Variants in TAFA2 observed in about 807,000 individuals in gnomAD.
TAFA2 encodes the protein TAFA chemokine like family member 2.
Under a neutral mutation model 18.8 loss-of-function variants are expected in TAFA2, and 7 were observed. The observed-to-expected ratio is 0.37, with a 90% CI of 0.21 to 0.70. TAFA2 has a LOEUF of 0.70. Ranked by LOEUF, TAFA2 falls within the 30% of genes least tolerant of loss-of-function variation. The pLI, the probability that TAFA2 is intolerant of heterozygous loss-of-function variation, is 0.53. For synonymous variants in TAFA2, 60 were observed against 54.2 expected, an observed-to-expected ratio of 1.11 and a Z score of -0.47; for missense variants, 122 against 158.1, an observed-to-expected ratio of 0.77 and a Z score of 1.23.
At chr12:62,189,695 T>C (rs1324912187) in intron 1 of TAFA2, among the ~76,000 whole-genome samples, 3 of 152,216 alleles carry the variant, frequency 2.0e-5, no homozygotes, top group African/African-American at 7.2e-5. Context: ...TTTAGCACTT[T>C]ACACAAAAAT....
At chr12:61,728,127 T>C (rs1268704823) in intron 4 of TAFA2, among the ~76,000 whole-genome samples, 1 of 151,492 alleles carries the variant, frequency 6.6e-6, no homozygotes, top group African/African-American at 2.4e-5. Context: ...TTATTGAGAC[T>C]TGTTTTGTGG....
chr12:61,729,477 C>A (rs1870336649), intron 4 of TAFA2, among the ~76,000 whole-genome samples: 2 of 151,718 alleles, frequency 1.3e-5, no homozygotes, highest in South Asian at 4.2e-4. Context: ...TGTCTTGGAG[C>A]CCTGAATTTC....
At chr12:62,255,942 T>G (rs532053899) in intron 1 of TAFA2, among the ~76,000 whole-genome samples, 2 of 152,090 alleles carry the variant, frequency 1.3e-5, no homozygotes, top group South Asian at 4.2e-4. Context: ...TTTCATGGTA[T>G]AGTCAGCTTT....
chr12:62,212,635 C>T (rs572979876), intron 1 of TAFA2, among the ~76,000 whole-genome samples: 1 of 152,292 alleles, frequency 6.6e-6, no homozygotes, highest in Non-Finnish European at 1.5e-5. Context: ...GATAGAATTG[C>T]TTTCCTTTGA....
intron 1 of TAFA2, among the ~76,000 whole-genome samples, chr12:61,929,641 C>A (rs1296957160): frequency 6.6e-6 from 1 of 151,358 alleles, no homozygotes; most frequent in East Asian, 2.0e-4. Context: ...TTGACCCAGC[C>A]ATCCCATTAC....
chr12:62,255,709 C>A (rs892100426), intron 1 of TAFA2, among the ~76,000 whole-genome samples: 1 of 151,422 alleles, frequency 6.6e-6, no homozygotes, highest in Non-Finnish European at 1.5e-5. Context: ...AAAAATTAGG[C>A]TGGGCATGGT....
intron 1 of TAFA2, among the ~76,000 whole-genome samples, chr12:62,237,229 C>T (rs189701331): frequency 2.5e-4 from 38 of 152,210 alleles, no homozygotes; most frequent in East Asian, 9.7e-4. Context: ...TTCTGTTCGC[C>T]GGGCGCGGTG....
At chr12:61,956,541 A>G (rs1411237280) in intron 1 of TAFA2, among the ~76,000 whole-genome samples, 1 of 151,990 alleles carries the variant, frequency 6.6e-6, no homozygotes, top group Non-Finnish European at 1.5e-5. Context: ...TTTTTCTTTT[A>G]AAAATCTGAA....
chr12:61,888,501 A>G (rs1425862222), intron 1 of TAFA2, among the ~76,000 whole-genome samples: 1 of 152,212 alleles, frequency 6.6e-6, no homozygotes, highest in Non-Finnish European at 1.5e-5. Context: ...AAGCAATCAC[A>G]GCCACATTCT....
At chr12:61,839,653 A>G (rs1359709948) in intron 2 of TAFA2, among the ~76,000 whole-genome samples, 1 of 152,080 alleles carries the variant, frequency 6.6e-6, no homozygotes, top group Non-Finnish European at 1.5e-5. Context: ...AGAAACAGAA[A>G]ACCAAATACA....
At chr12:62,052,342 G>A (rs1035055985) in intron 1 of TAFA2, among the ~76,000 whole-genome samples, 13 of 152,034 alleles carry the variant, frequency 8.6e-5, no homozygotes, top group South Asian at 2.1e-4. Context: ...ACAGGTGCAC[G>A]CCACCATGCC....
rs1010027596 is a variant in TAFA2, at chr12:62,021,470, C to A, written c.-1-154044G>T. The A allele has an allele frequency of 6.9e-5, 30 of 433,114 alleles. No homozygotes were observed. The African/African-American group carries it at 1.0e-3, about 15-fold the overall frequency. The allele number at this position is 433,114 out of a possible 1,614,324, so 26.8% of individuals were successfully genotyped here. A position where few individuals can be genotyped will look rare whatever the true frequency, so the allele number is the denominator to read the frequency against. The stretch of plus-strand genomic sequence containing the variant: ...CCCAAGACCCCAAAGTCCACTGCAT[C>A]ATTCTTTTTTTTTTTTCTGTCTTTG... On this transcript the variant is annotated intron_variant, in intron 1 of 4. Coordinates refer to ENST00000416284, the MANE Select transcript of TAFA2 (RefSeq NM_178539.5).
intron 1 of TAFA2, among the ~76,000 whole-genome samples, chr12:62,038,350 T>C (rs2136755791): frequency 6.6e-6 from 1 of 152,296 alleles, no homozygotes; most frequent in Admixed American, 6.5e-5. Flanking sequence ...AAATACACTA[T>C]CTTCCTTCTT....
intron 1 of TAFA2, among the ~76,000 whole-genome samples, chr12:61,889,288 C>A (rs547302457): frequency 8.7e-4 from 132 of 152,288 alleles, no homozygotes; most frequent in Non-Finnish European, 1.7e-3. Flanking sequence ...TTGAGTATTG[C>A]AGTCAAGATT....
At chr12:61,905,899 T>C (rs2121329071) in intron 1 of TAFA2, among the ~76,000 whole-genome samples, 1 of 152,286 alleles carries the variant, frequency 6.6e-6, no homozygotes. Flanking sequence ...CCCAGAGCTC[T>C]CTGCTTTTCA....
At chr12:62,180,215 G>A (rs550302489) in intron 1 of TAFA2, among the ~76,000 whole-genome samples, 10 of 152,194 alleles carry the variant, frequency 6.6e-5, no homozygotes, top group Admixed American at 6.5e-4. Context: ...TCATATTTGG[G>A]ATTGCATTGG....
intron 4 of TAFA2, among the ~76,000 whole-genome samples, chr12:61,743,941 G>A (rs1202982962): frequency 6.6e-6 from 1 of 152,008 alleles, no homozygotes; most frequent in Non-Finnish European, 1.5e-5. Context: ...CACTAACTAT[G>A]GCTTCTTGAA....
chr12:61,995,539 C>G (rs1880155426), intron 1 of TAFA2, among the ~76,000 whole-genome samples: 2 of 152,046 alleles, frequency 1.3e-5, no homozygotes, highest in African/African-American at 4.8e-5. Flanking sequence ...AGCCTGGGAC[C>G]AGGTCGACCT....
At chr12:62,083,504 C>T (rs1868354426) in intron 1 of TAFA2, among the ~76,000 whole-genome samples, 1 of 152,060 alleles carries the variant, frequency 6.6e-6, no homozygotes, top group African/African-American at 2.4e-5. Flanking sequence ...TCAATAAAAC[C>T]TCTCTCCTCT....
Sources: gnomAD v4.1 joint callset for allele counts (sites outside exome capture counted in the v4.1 genomes callset) on GRCh38, gnomAD v4.1.1 for gene constraint, MANE v1.5 for transcripts, NCBI Gene and HGNC (gene_info 2026-07-23, HGNC 2026-07-21) for gene names.